The following PRR16 variants were observed in gnomAD, a reference collection of about 807,000 sequenced individuals.
PRR16 encodes proline rich 16.
In PRR16, 6 loss-of-function variants were observed where a neutral mutation model predicts 18.2. The observed-to-expected ratio is 0.33, with a 90% CI of 0.18 to 0.65. PRR16 has a LOEUF of 0.65. PRR16 is among the 30% of genes least tolerant of loss of function. The pLI, the probability that PRR16 is intolerant of heterozygous loss-of-function variation, is 0.74. For synonymous variants in PRR16, 151 were observed against 147.8 expected (o/e 1.02, Z -0.16); for missense variants, 412 against 376.6 (o/e 1.09, Z -0.78).
At chr5:120,477,855 A>G (rs1465077067) in intron 1 of PRR16, among the ~76,000 whole-genome samples, 2 of 152,204 alleles carry the variant, frequency 1.3e-5, no homozygotes, top group Admixed American at 1.3e-4. Context: ...TTTCACGCCT[A>G]TATCCCCACC....
intron 1 of PRR16, among the ~76,000 whole-genome samples, chr5:120,533,059 G>A (rs1580694982): frequency 6.6e-6 from 1 of 152,120 alleles, no homozygotes; most frequent in Admixed American, 6.5e-5. Context: ...TTTCCACCTT[G>A]TGGGGGCTAC....
At chr5:120,723,118 C>A in the PRR16 span, among the ~76,000 whole-genome samples, 649 of 151,786 alleles carry the variant, frequency 4.3e-3, 7 homozygotes, top group African/African-American at 0.015. Context: ...TGTAGCAATA[C>A]CATCATTGTA....
intron 1 of PRR16, among the ~76,000 whole-genome samples, chr5:120,598,632 A>C (rs1382239888): frequency 6.6e-6 from 1 of 151,692 alleles, no homozygotes; most frequent in Non-Finnish European, 1.5e-5. Context: ...TTTTATGTCC[A>C]TGTGTACTTA....
At position 120,479,513 on chromosome 5, in the gene PRR16, G is replaced by A. The variant is rs1482278309; in HGVS notation, c.159+14868G>A. ...GAACATAGAAATTAAATAAGCTAAT[G>A]AGATCATTTTGCTTTAATATATTAA... On this transcript the variant is annotated intron_variant, in intron 1 of 1. Coordinates refer to ENST00000407149, the MANE Select transcript of PRR16 (RefSeq NM_001300783.2). Among the ~76,000 whole-genome samples, 3 of 151,990 alleles carry A rather than the reference G, an allele frequency of 2.0e-5. No individual in the cohort carries two copies. The East Asian group carries it at 5.8e-4, about 29-fold the overall frequency.
intron 1 of PRR16, among the ~76,000 whole-genome samples, chr5:120,465,413 T>C (rs974926387): frequency 6.6e-6 from 1 of 152,340 alleles, no homozygotes; most frequent in Admixed American, 6.5e-5. Flanking sequence ...GGTCTTGCCA[T>C]TGGCGTCCTG....
intron 1 of PRR16, among the ~76,000 whole-genome samples, chr5:120,656,360 A>ATAAG (rs567145583): frequency 2.2e-4 from 34 of 151,702 alleles, no homozygotes; most frequent in African/African-American, 7.7e-4. Flanking sequence ...CGGATGTAAG[A>ATAAG]TAAGTGGTAG....
At chr5:120,556,236 T>G (rs1488805584) in intron 1 of PRR16, among the ~76,000 whole-genome samples, 3 of 148,634 alleles carry the variant, frequency 2.0e-5, no homozygotes, top group Admixed American at 2.0e-4. Context: ...TTTCATTGTT[T>G]TTTTTTTTTT....
At chr5:120,717,672 A>C in the PRR16 span, among the ~76,000 whole-genome samples, 1 of 152,150 alleles carries the variant, frequency 6.6e-6, no homozygotes, top group Non-Finnish European at 1.5e-5. Flanking sequence ...CAATCTGAGC[A>C]TTGTGCTATA....
In PRR16 at chr5:120,564,402, C is replaced by T. The variant is rs545925713; in HGVS notation, c.159+99757C>T. Among the ~76,000 whole-genome samples the T allele has an allele frequency of 2.4e-4, 36 of 152,190 alleles. 1 individual carries two copies. The South Asian group carries it at 4.8e-3, about 20-fold the overall frequency. On this transcript the variant is annotated intron_variant, in intron 1 of 1. Coordinates refer to ENST00000407149, the MANE Select transcript of PRR16 (RefSeq NM_001300783.2). Reference sequence around the variant, plus strand: ...CCCAGAACACTCTGGCCTGTAGTGGCGAGGCTTCCCGTGAAACTCCGACCT... The same window carrying T: ...CCCAGAACACTCTGGCCTGTAGTGGTGAGGCTTCCCGTGAAACTCCGACCT...
intron 1 of PRR16, among the ~76,000 whole-genome samples, chr5:120,511,674 G>A (rs1181151508): frequency 6.6e-6 from 1 of 152,120 alleles, no homozygotes; most frequent in Non-Finnish European, 1.5e-5. Flanking sequence ...TATTTATTTT[G>A]AGAGTTCTTA....
chr5:120,621,833 T>C (rs1027395091), intron 1 of PRR16, among the ~76,000 whole-genome samples: 3 of 152,196 alleles, frequency 2.0e-5, no homozygotes, highest in Non-Finnish European at 2.9e-5. Context: ...TGTAAGTCAA[T>C]TGAACCTCTT....
intron 1 of PRR16, among the ~76,000 whole-genome samples, chr5:120,658,782 C>A (rs1756073852): frequency 6.6e-6 from 1 of 151,872 alleles, no homozygotes; most frequent in Non-Finnish European, 1.5e-5. Context: ...AGAGTGAAAT[C>A]ATATTTAAAA....
rs111633197 is a variant in PRR16, at chr5:120,474,607, ACC to A, written c.159+9964_159+9965del. Among the ~76,000 whole-genome samples the A allele has an allele frequency of 2.5e-3, 233 of 94,022 alleles. 1 individual carries two copies. Among genetic ancestry groups the A allele is most frequent in the Middle Eastern group, 8.9e-3 (2 of 224 alleles). 61.7% of individuals were successfully genotyped at this position (94,022 alleles called of 152,430 possible). A position where few individuals can be genotyped will look rare whatever the true frequency, so the allele number is the denominator to read the frequency against. ...TTGCTATCTTTTTTTTAAAAAAAAA[ACC>A]CATTATCTGTATTTTTCTTTACATT... is the stretch of plus-strand genomic sequence containing the variant. On this transcript the variant is annotated intron_variant, in intron 1 of 1. Coordinates refer to ENST00000407149, the MANE Select transcript of PRR16 (RefSeq NM_001300783.2).
At chr5:120,524,371 A>C (rs139025912) in intron 1 of PRR16, among the ~76,000 whole-genome samples, 3 of 152,308 alleles carry the variant, frequency 2.0e-5, no homozygotes, top group African/African-American at 4.8e-5. Flanking sequence ...AAGATATAAC[A>C]TATCTAATGT....
intron 1 of PRR16, among the ~76,000 whole-genome samples, chr5:120,675,527 G>A (rs1012285867): frequency 6.6e-6 from 1 of 152,016 alleles, no homozygotes; most frequent in Non-Finnish European, 1.5e-5. Flanking sequence ...GACTTCATCA[G>A]TACTTTTTCC....
At position 120,681,957 on chromosome 5, in the gene PRR16, A is replaced by G. The variant is rs150414624; in HGVS notation, c.160-3997A>G. 1.3e-3 allele frequency among the ~76,000 whole-genome samples: 203 copies of G among 152,248 alleles called. 1 individual carries two copies. Among genetic ancestry groups the G allele is most frequent in the Non-Finnish European group, 2.1e-3 (144 of 68,004 alleles). On this transcript the variant is annotated intron_variant, in intron 1 of 1. Transcript: ENST00000407149. ...TATATTTTCTTGTTTGAAACTGTGT[A>G]CTTTAGAGGACACTTCAGTTCTGAA...
At chr5:120,558,592 C>T (rs1031999800) in intron 1 of PRR16, among the ~76,000 whole-genome samples, 2 of 151,866 alleles carry the variant, frequency 1.3e-5, no homozygotes, top group African/African-American at 4.8e-5. Flanking sequence ...CTATTGTGAA[C>T]AGTGATGCAA....
chr5:120,694,450 C>T, the PRR16 span, among the ~76,000 whole-genome samples: 2 of 151,886 alleles, frequency 1.3e-5, no homozygotes, highest in Non-Finnish European at 2.9e-5. Context: ...TTTGGGAGAC[C>T]GAGGCGGGCG....
At chr5:120,654,720 A>T (rs1232782753) in intron 1 of PRR16, among the ~76,000 whole-genome samples, 1 of 151,994 alleles carries the variant, frequency 6.6e-6, no homozygotes, top group Non-Finnish European at 1.5e-5. Flanking sequence ...TTCTATGAAA[A>T]TATGTAATAA....
Sources: allele counts gnomAD v4.1 joint callset (sites outside exome capture counted in the v4.1 genomes callset), GRCh38; gene constraint gnomAD v4.1.1; transcripts MANE v1.5; gene names NCBI Gene and HGNC (gene_info 2026-07-23, HGNC 2026-07-21).